The following CHI3L2 variants were observed in gnomAD, a reference collection of about 807,000 sequenced individuals.
CHI3L2 encodes chitinase 3 like 2.
CHI3L2 carries 47 observed loss-of-function variants against 47.3 expected under a neutral mutation model. The observed-to-expected ratio is 0.99, with a 90% CI of 0.79 to 1.27. The LOEUF is 1.27. CHI3L2 is among the 50% of genes most tolerant of loss of function. The pLI is 0.00. For synonymous variants in CHI3L2, 198 were observed against 169.9 expected (o/e 1.17, Z -1.28); for missense variants, 497 against 462.1 (o/e 1.08, Z -0.69).
At chr1:111,235,401 C>G (rs577097414) in intron 5 of CHI3L2, among the ~76,000 whole-genome samples, 1 of 152,162 alleles carries the variant, frequency 6.6e-6, no homozygotes, top group South Asian at 2.1e-4. Flanking sequence ...ATCTGAAAAT[C>G]TATCAGGTAG....
At chr1:111,230,009 AT>A in intron 2 of CHI3L2, 128 bp downstream of exon 2, 1 of 983,240 alleles carries the variant, frequency 1.0e-6, no homozygotes, top group Non-Finnish European at 1.5e-6. Flanking sequence ...CCACTGACAT[AT>A]TTATGACACT....
intron 7 of CHI3L2, 96 bp from the exon 8 acceptor site, chr1:111,238,654 G>T: frequency 1.5e-6 from 2 of 1,300,080 alleles, no homozygotes; most frequent in African/African-American, 3.0e-5. Context: ...AAAGAAACCA[G>T]GCAGTCACCT....
chr1:111,240,501 TATC>T (rs1160502107), intron 8 of CHI3L2, among the ~76,000 whole-genome samples: 6 of 152,182 alleles, frequency 3.9e-5, no homozygotes, highest in African/African-American at 1.2e-4. Context: ...AGGGTTATAA[TATC>T]AACCACTAGA....
At chr1:111,240,216 C>A (rs966213320) in intron 8 of CHI3L2, among the ~76,000 whole-genome samples, 1 of 152,134 alleles carries the variant, frequency 6.6e-6, no homozygotes, top group African/African-American at 2.4e-5. Flanking sequence ...TGCCATCGGC[C>A]CATGCTGAAT....
At position 111,238,780 on chromosome 1, in the gene CHI3L2, G is replaced by A; in HGVS notation, c.766G>A (p.Gly256Arg). The A allele has an allele frequency of 1.2e-6, 2 of 1,613,876 alleles. No homozygotes were observed. The highest frequency in any genetic ancestry group is 1.7e-6 in the Non-Finnish European group (2 of 1,179,894). Residue 256 changes from glycine to arginine, a missense_variant, in exon 8 of 11, where the codon GGA (glycine) becomes AGA (arginine). Transcript: ENST00000369748. ...EYAVGYWIHK[G>R]MPSEKVVMGI... is the part of the protein sequence containing the mutation. The stretch of plus-strand genomic sequence containing the variant: ...TGCTGTGGGGTACTGGATACATAAG[G>A]GAATGCCATCAGAGAAGGTGGTCAT...
At chr1:111,231,144 T>C in intron 3 of CHI3L2, 94 bp from the exon 4 acceptor site, 2 of 1,153,564 alleles carry the variant, frequency 1.7e-6, no homozygotes, top group Non-Finnish European at 2.6e-6. Flanking sequence ...AGGCCCTAAT[T>C]GTCCATTTTC....
At chr1:111,240,502 A>G (rs1005870747) in intron 8 of CHI3L2, among the ~76,000 whole-genome samples, 2 of 152,186 alleles carry the variant, frequency 1.3e-5, no homozygotes, top group African/African-American at 4.8e-5. Context: ...GGGTTATAAT[A>G]TCAACCACTA....
intron 4 of CHI3L2, 122 bp downstream of exon 4, chr1:111,231,416 C>A: frequency 2.9e-6 from 2 of 697,136 alleles, no homozygotes; most frequent in South Asian, 3.6e-5. Context: ...GGCCAGGTGG[C>A]AAAACTGATC....
In CHI3L2 at chr1:111,238,865, C is replaced by T. The variant is rs1271449155; in HGVS notation, c.851C>T (p.Ala284Val). ...TLASAETTVG[A>V]PASGPGAAGP... ...GCCTCTGCAGAAACCACCGTGGGGG[C>T]CCCTGCCTCTGGCCCTGGAGCTGCT... The change falls in exon 8 of 11, where the codon GCC becomes GTC. Residue 284 changes from alanine to valine, a missense_variant. By Grantham distance (64) the Ala-to-Val change is moderately conservative (BLOSUM62 0). Transcript: ENST00000369748. The T allele has an allele frequency of 6.2e-7, 1 of 1,613,422 alleles. No homozygotes were observed. The highest frequency in any genetic ancestry group is 1.1e-5 in the South Asian group (1 of 90,918).
At chr1:111,232,220 G>A (rs1307648512) in intron 4 of CHI3L2, among the ~76,000 whole-genome samples, 2 of 152,128 alleles carry the variant, frequency 1.3e-5, no homozygotes, top group African/African-American at 4.8e-5. Flanking sequence ...TAACTCCTCC[G>A]TGAACACCCT....
At chr1:111,236,411 C>T (rs1367338334) in intron 7 of CHI3L2, among the ~76,000 whole-genome samples, 1 of 152,198 alleles carries the variant, frequency 6.6e-6, no homozygotes, top group African/African-American at 2.4e-5. Context: ...TCCCCCATCC[C>T]AGTCTTCTCT....
intron 1 of CHI3L2, among the ~76,000 whole-genome samples, chr1:111,229,030 A>G (rs1659610530): frequency 6.6e-6 from 1 of 152,230 alleles, no homozygotes. Context: ...TTAATTGTTT[A>G]TACATAGTGG....
intron 2 of CHI3L2, among the ~76,000 whole-genome samples, chr1:111,230,115 G>A (rs979440339): frequency 3.3e-5 from 5 of 151,952 alleles, no homozygotes; most frequent in Non-Finnish European, 5.9e-5. Context: ...CTCAATATGT[G>A]TGTGTGAATA....
At chr1:111,237,811 G>T (rs1335321525) in intron 7 of CHI3L2, among the ~76,000 whole-genome samples, 1 of 152,160 alleles carries the variant, frequency 6.6e-6, no homozygotes, top group Non-Finnish European at 1.5e-5. Flanking sequence ...GGTCATGATG[G>T]GAAGTTGGGT....
intron 1 of CHI3L2, 21 bp from the exon 2 acceptor site, chr1:111,229,831 C>T: frequency 6.2e-7 from 1 of 1,613,478 alleles, no homozygotes; most frequent in Non-Finnish European, 8.5e-7. Context: ...ACAGATTTCT[C>T]TTTCCACCCA....
At chr1:111,243,094 G>A in intron 10 of CHI3L2, 123 bp from the exon 11 acceptor site, 1 of 448,818 alleles carries the variant, frequency 2.2e-6, no homozygotes, top group Non-Finnish European at 4.5e-6. Flanking sequence ...AGAACCATTT[G>A]AAAACTCCTG....
At chr1:111,239,009 T>A in intron 8 of CHI3L2, 77 bp downstream of exon 8, 1 of 1,384,200 alleles carries the variant, frequency 7.2e-7, no homozygotes, top group Non-Finnish European at 9.8e-7. Context: ...GACAGCAGAG[T>A]AAAGCATCCT....
intron 7 of CHI3L2, among the ~76,000 whole-genome samples, chr1:111,237,810 G>A (rs1413538420): frequency 6.6e-6 from 1 of 152,164 alleles, no homozygotes; most frequent in African/African-American, 2.4e-5. Context: ...AGGTCATGAT[G>A]GGAAGTTGGG....
At chr1:111,239,030 A>C in intron 8 of CHI3L2, 98 bp downstream of exon 8, 1 of 1,213,794 alleles carries the variant, frequency 8.2e-7, no homozygotes, top group Non-Finnish European at 1.1e-6. Flanking sequence ...GAGTGTTGCG[A>C]AGGGGAAAGG....
Sources: gnomAD v4.1 joint callset for allele counts (sites outside exome capture counted in the v4.1 genomes callset) on GRCh38, gnomAD v4.1.1 for gene constraint, MANE v1.5 for transcripts, NCBI Gene and HGNC (gene_info 2026-07-23, HGNC 2026-07-21) for gene names.